BCR: variants seen among roughly 807,000 people sequenced by gnomAD.
BCR encodes the protein breakpoint cluster region protein.
In BCR, 58 loss-of-function variants were observed where a neutral mutation model predicts 138.6. The ratio of observed to expected loss-of-function variants is 0.42; its 90% CI spans 0.34 to 0.52. The LOEUF (loss-of-function observed/expected upper bound fraction) is 0.52, where lower values mean the gene tolerates loss of function less well. Ranked by LOEUF, BCR falls within the 20% of genes least tolerant of loss-of-function variation. BCR has a pLI of 0.06. For synonymous variants in BCR, 786 were observed against 730.1 expected (o/e 1.08, Z -1.23); for missense variants, 1,599 against 1,727.2 (o/e 0.93, Z 1.32).
chr22:23,208,876 C>T (rs1433251221), intron 1 of BCR, among the ~76,000 whole-genome samples: 1 of 151,824 alleles, frequency 6.6e-6, no homozygotes, highest in African/African-American at 2.4e-5. Flanking sequence ...AAAAAAGCTT[C>T]TGGACTCATT....
At chr22:23,191,160 G>A (rs191430316) in intron 1 of BCR, among the ~76,000 whole-genome samples, 78 of 152,212 alleles carry the variant, frequency 5.1e-4, no homozygotes, top group African/African-American at 1.8e-3. Context: ...CAAACTCCTG[G>A]CCTCAAACGA....
intron 4 of BCR, 130 bp from the exon 5 acceptor site, chr22:23,268,278 A>T (rs1429967880): frequency 3.0e-6 from 2 of 663,034 alleles, no homozygotes; most frequent in Non-Finnish European, 5.0e-6. Flanking sequence ...GGAAGCGCCG[A>T]GGCCTCTGCA....
intron 1 of BCR, among the ~76,000 whole-genome samples, chr22:23,210,008 C>T (rs80159102): frequency 0.068 from 10,352 of 152,246 alleles, 1,179 homozygotes; most frequent in African/African-American, 0.23. Flanking sequence ...TTTCAACTAA[C>T]TTCCTTTACT....
rs368775826 is a variant in BCR at position 23,273,631 on chromosome 22, C to A, written c.1975-3C>A. On this transcript the variant is annotated splice_polypyrimidine_tract_variant and splice_region_variant and intron_variant, in intron 7 of 22. Transcript: ENST00000305877. ...CTAACTCAAGTCTTTCTTCCTGGGG[C>A]AGGACTTGCTGAAGCACACTCCTGC... The A allele has an allele frequency of 6.2e-7, 1 of 1,613,484 alleles. No individual in the cohort carries two copies. Among genetic ancestry groups the A allele is most frequent in the African/African-American group, 1.3e-5 (1 of 74,934 alleles).
At chr22:23,242,684 C>T (rs1246723139) in intron 1 of BCR, 4 of 273,856 alleles carry the variant, frequency 1.5e-5, no homozygotes, top group African/African-American at 9.1e-5. Flanking sequence ...CCAGCCCTCT[C>T]CTGGGGGCTG....
intron 1 of BCR, among the ~76,000 whole-genome samples, chr22:23,183,378 C>G (rs1485161659): frequency 6.6e-6 from 1 of 152,202 alleles, no homozygotes; most frequent in East Asian, 1.9e-4. Context: ...CCTCTTCAAA[C>G]GAGTGAGGCT....
Position 23,247,280 on chromosome 22 carries a change from A to T in BCR, c.1280-6519A>T, listed in dbSNP as rs143709183. Among the ~76,000 whole-genome samples, 348 of 152,284 alleles carry T rather than the reference A, an allele frequency of 2.3e-3. 3 individuals are homozygous for T. Among genetic ancestry groups the T allele is most frequent in the African/African-American group, 8.0e-3 (333 of 41,560 alleles). ...AACCTCCACCACAGCTGGCCGAGCC[A>T]CCGGATGTTTGATCTCCTTTTACCT... On this transcript the variant is annotated intron_variant, in intron 1 of 22. Transcript: ENST00000305877.
intron 1 of BCR, among the ~76,000 whole-genome samples, chr22:23,211,965 C>T (rs1207168999): frequency 6.6e-6 from 1 of 152,100 alleles, no homozygotes; most frequent in African/African-American, 2.4e-5. Context: ...CTCCCTGTTC[C>T]CACTTCCCAC....
At chr22:23,261,263 G>A in intron 3 of BCR, 92 bp from the exon 4 acceptor site, 1 of 1,397,968 alleles carries the variant, frequency 7.2e-7, no homozygotes, top group Non-Finnish European at 9.8e-7. Context: ...AAGTGCATAT[G>A]TCAGGTAACC....
At chr22:23,260,825 G>T in intron 2 of BCR, 125 bp from the exon 3 acceptor site, 1 of 876,486 alleles carries the variant, frequency 1.1e-6, no homozygotes, top group East Asian at 2.5e-5. Context: ...AATTCCATGT[G>T]GAGCCTTTGT....
chr22:23,270,440 G>A (rs1463766238), intron 5 of BCR, among the ~76,000 whole-genome samples: 5 of 152,158 alleles, frequency 3.3e-5, no homozygotes, highest in African/African-American at 1.2e-4. Flanking sequence ...CACTGTCCAC[G>A]GACACGTGGG....
intron 16 of BCR, among the ~76,000 whole-genome samples, chr22:23,305,147 C>T (rs901560584): frequency 6.7e-6 from 1 of 150,042 alleles, no homozygotes; most frequent in Admixed American, 6.6e-5. Context: ...GGATGGATCT[C>T]AGGAGAGCAG....
chr22:23,242,919 C>A (rs1177676989), intron 1 of BCR: 1 of 455,562 alleles, frequency 2.2e-6, no homozygotes, highest in South Asian at 1.6e-5. Flanking sequence ...ATCTGATGGC[C>A]CACGGCATTC....
chr22:23,248,163 G>A (rs2146262137), intron 1 of BCR, among the ~76,000 whole-genome samples: 1 of 152,204 alleles, frequency 6.6e-6, no homozygotes, highest in South Asian at 2.1e-4. Context: ...GGGCAACATG[G>A]TGAAACCCCA....
In BCR at chr22:23,285,021, C is replaced by A. The variant is rs773300035; in HGVS notation, c.2238-12C>A. On this transcript the variant is annotated splice_polypyrimidine_tract_variant and intron_variant, in intron 9 of 22. Transcript: ENST00000305877. ...TCGGTGCATGTGAACGTTCTTCTCT[C>A]CCCATCCCCAGCAAAACGCAGCAGT... 6.2e-7 allele frequency: 1 copy of A among 1,610,398 alleles called. No homozygotes were observed. Among genetic ancestry groups the A allele is most frequent in the African/African-American group, 1.3e-5 (1 of 75,000 alleles).
chr22:23,293,249 C>T (rs1297699094), intron 15 of BCR, among the ~76,000 whole-genome samples: 2 of 152,104 alleles, frequency 1.3e-5, no homozygotes, highest in Admixed American at 1.3e-4. Context: ...CAGCTGTGAC[C>T]TCGAAGGTCT....
chr22:23,314,991 A>G lies in BCR; in HGVS notation c.3726+277A>G, dbSNP rs374048432. Among the ~76,000 whole-genome samples the G allele has an allele frequency of 3.9e-4, 59 of 152,316 alleles. 1 individual carries two copies. The highest frequency in any genetic ancestry group is 2.3e-3 in the South Asian group (11 of 4,828). ...TGTAATCCCAGCACTTTGGGAGGCC[A>G]AGGCAGGATAACCAATCCCAGGTGT... On this transcript the variant is annotated intron_variant, in intron 22 of 22. Transcript: ENST00000305877.
chr22:23,243,267 G>A (rs1004607354), intron 1 of BCR, among the ~76,000 whole-genome samples: 2 of 152,130 alleles, frequency 1.3e-5, no homozygotes, highest in East Asian at 1.9e-4. Context: ...AACCAGCCAC[G>A]TGATTAGAGG....
chr22:23,303,011 C>T (rs1388323149), intron 16 of BCR: 2 of 149,494 alleles, frequency 1.3e-5, no homozygotes, highest in East Asian at 2.0e-4. Flanking sequence ...GTCACTCAAC[C>T]GTCAAGGCTG....
Sources: allele counts gnomAD v4.1 joint callset (sites outside exome capture counted in the v4.1 genomes callset), GRCh38; gene constraint gnomAD v4.1.1; transcripts MANE v1.5; gene names NCBI Gene and HGNC (gene_info 2026-07-23, HGNC 2026-07-21).